The following PRIMPOL variants were observed in gnomAD, a reference collection of about 807,000 sequenced individuals.
The protein encoded by PRIMPOL is DNA-directed primase/polymerase protein.
A neutral mutation model predicts 63.6 loss-of-function variants in PRIMPOL; 54 were observed. The observed-to-expected ratio is 0.85, with a 90% CI of 0.68 to 1.07. The LOEUF (loss-of-function observed/expected upper bound fraction) is 1.07, where lower values mean the gene tolerates loss of function less well. Among genes scored for constraint, PRIMPOL ranks in the 50% least tolerant of loss-of-function variants. The pLI, the probability that PRIMPOL is intolerant of heterozygous loss-of-function variation, is 0.00. For synonymous variants in PRIMPOL, 197 were observed against 220.2 expected (o/e 0.89, Z 0.93); for missense variants, 610 against 648.3 (o/e 0.94, Z 0.64).
chr4:184,666,366 G>A (rs974923914), intron 6 of PRIMPOL, among the ~76,000 whole-genome samples: 13 of 152,184 alleles, frequency 8.5e-5, no homozygotes, highest in African/African-American at 3.1e-4. Context: ...GGGATGCTGA[G>A]GCACAAGGAT....
intron 13 of PRIMPOL, among the ~76,000 whole-genome samples, chr4:184,692,651 C>CTAT (rs1221185208): frequency 1.3e-5 from 2 of 151,702 alleles, no homozygotes; most frequent in Non-Finnish European, 2.9e-5. Flanking sequence ...AGCACACATA[C>CTAT]TATTTCAGTT....
chr4:184,671,982 C>T lies in PRIMPOL; in HGVS notation c.557-191C>T, dbSNP rs1881082. Among the ~76,000 whole-genome samples, 534 of 152,226 alleles carry T rather than the reference C, an allele frequency of 3.5e-3. 5 individuals are homozygous for T. The highest frequency in any genetic ancestry group is 0.012 in the African/African-American group (506 of 41,532). On this transcript the variant is annotated intron_variant, in intron 6 of 13. Coordinates refer to ENST00000314970, the MANE Select transcript of PRIMPOL (RefSeq NM_152683.4). ...GTCTCGATCTCCCGACCTTGTGATC[C>T]GCCCGCCTCGGCCTCCCAAAGTGCT...
intron 2 of PRIMPOL, among the ~76,000 whole-genome samples, chr4:184,656,160 G>A (rs2150031271): frequency 6.6e-6 from 1 of 152,224 alleles, no homozygotes; most frequent in Non-Finnish European, 1.5e-5. Context: ...CTAGAGTTAT[G>A]GCATGGCAAT....
At chr4:184,654,244 A>G (rs1393988673) in intron 2 of PRIMPOL, among the ~76,000 whole-genome samples, 1 of 152,238 alleles carries the variant, frequency 6.6e-6, no homozygotes, top group Non-Finnish European at 1.5e-5. Context: ...CTAGATTCAG[A>G]TGTGATTGCA....
intron 1 of PRIMPOL, among the ~76,000 whole-genome samples, chr4:184,651,715 C>G (rs1744555955): frequency 6.6e-6 from 1 of 152,120 alleles, no homozygotes; most frequent in African/African-American, 2.4e-5. Flanking sequence ...GTGGTGCAAT[C>G]TCGGCTCACT....
In PRIMPOL at chr4:184,693,531, CTT is replaced by C. The variant is rs146192092; in HGVS notation, c.1426-990_1426-989del. On this transcript the variant is annotated intron_variant, in intron 13 of 13. Transcript: ENST00000314970. ...TAACATTTTGCCTCTCCTGCTTCAT[CTT>C]GTTTTTTAAAACAAATATTTTAAAT... Among the ~76,000 whole-genome samples the C allele has an allele frequency of 7.2e-3, 1,100 of 152,242 alleles. 13 individuals carry two copies. The highest frequency in any genetic ancestry group is 0.025 in the African/African-American group (1,043 of 41,554).
chr4:184,659,510 T>C, intron 4 of PRIMPOL, 73 bp downstream of exon 4: 1 of 1,081,284 alleles, frequency 9.2e-7, no homozygotes, highest in Non-Finnish European at 1.4e-6. Flanking sequence ...TTGGTGAAAT[T>C]AGTTCAGGCT....
At chr4:184,666,183 T>C (rs1044912527) in intron 6 of PRIMPOL, 119 bp downstream of exon 6, 5 of 759,418 alleles carry the variant, frequency 6.6e-6, no homozygotes, top group Non-Finnish European at 9.9e-6. Context: ...TCCTAAAAAA[T>C]GCGATGTAGG....
At position 184,657,321 on chromosome 4, in the gene PRIMPOL, G is replaced by T. The variant is rs766854979; in HGVS notation, c.180+1G>T. 16 of 1,601,140 alleles carry T rather than the reference G, an allele frequency of 1.0e-5. No homozygotes were observed. Among genetic ancestry groups the T allele is most frequent in the Non-Finnish European group, 1.4e-5 (16 of 1,174,050 alleles). On this transcript the variant is annotated splice_donor_variant, in intron 3 of 13. Coordinates refer to ENST00000314970, the MANE Select transcript of PRIMPOL (RefSeq NM_152683.4). LOFTEE classifies it high-confidence loss of function. The stretch of plus-strand genomic sequence containing the variant: ...TAATTTTGTTAAAAGCTGTAAAGAA[G>T]TAATTTCCTCCTCCTCCTCTTCTTC...
chr4:184,686,367 C>T (rs1423949260), intron 11 of PRIMPOL, among the ~76,000 whole-genome samples: 1 of 152,024 alleles, frequency 6.6e-6, no homozygotes, highest in Non-Finnish European at 1.5e-5. Flanking sequence ...GTCGAAAGTG[C>T]GCAGGTTTGG....
At chr4:184,694,444 AG>A in intron 13 of PRIMPOL, 77 bp from the exon 14 acceptor site, 1 of 1,508,268 alleles carries the variant, frequency 6.6e-7, no homozygotes, top group South Asian at 1.3e-5. Context: ...ACTTCAACAT[AG>A]AGTATAAGGT....
At chr4:184,659,636 A>G (rs1747698287) in intron 4 of PRIMPOL, among the ~76,000 whole-genome samples, 199 bp downstream of exon 4, 1 of 152,220 alleles carries the variant, frequency 6.6e-6, no homozygotes, top group Non-Finnish European at 1.5e-5. Context: ...GAAAATAATC[A>G]TGCACATACA....
intron 2 of PRIMPOL, 24 bp downstream of exon 2, chr4:184,652,124 C>CCG (rs1560917056): frequency 6.6e-6 from 1 of 151,986 alleles, no homozygotes; most frequent in Non-Finnish European, 1.5e-5. Flanking sequence ...GTGCTGGGTG[C>CCG]GGGGGGAGGT....
chr4:184,659,549 C>A, intron 4 of PRIMPOL, 112 bp downstream of exon 4: 1 of 745,988 alleles, frequency 1.3e-6, no homozygotes, highest in Non-Finnish European at 2.4e-6. Flanking sequence ...CGTGACCACA[C>A]TATTAGTTGC....
chr4:184,669,052 G>T (rs2150079516), intron 6 of PRIMPOL, among the ~76,000 whole-genome samples: 1 of 152,262 alleles, frequency 6.6e-6, no homozygotes, highest in Admixed American at 6.5e-5. Flanking sequence ...ACACGATGTG[G>T]TCTGTTCACC....
chr4:184,668,197 C>G (rs1750604709), intron 6 of PRIMPOL, among the ~76,000 whole-genome samples: 1 of 152,248 alleles, frequency 6.6e-6, no homozygotes, highest in South Asian at 2.1e-4. Context: ...ACTCCCCACA[C>G]AGATGGTTCC....
chr4:184,665,358 G>A (rs569341016), intron 5 of PRIMPOL, among the ~76,000 whole-genome samples: 16 of 152,186 alleles, frequency 1.1e-4, no homozygotes, highest in Middle Eastern at 3.4e-3. Flanking sequence ...TCCAGCCCCC[G>A]TGCTTGCTGC....
At chr4:184,651,670 C>T (rs7699420) in intron 1 of PRIMPOL, among the ~76,000 whole-genome samples, 116,870 of 151,926 alleles carry the variant, frequency 0.77, 45,915 homozygotes, top group Non-Finnish European at 0.84. Context: ...TTTTTTGAGA[C>T]GGAGTTTCAC....
intron 6 of PRIMPOL, among the ~76,000 whole-genome samples, chr4:184,667,705 G>A (rs1031931649): frequency 3.3e-5 from 5 of 152,166 alleles, no homozygotes; most frequent in Non-Finnish European, 7.3e-5. Context: ...CTCCTAGCAC[G>A]CAAGTCCCTC....
Sources: gnomAD v4.1 joint callset for allele counts (sites outside exome capture counted in the v4.1 genomes callset) on GRCh38, gnomAD v4.1.1 for gene constraint, MANE v1.5 for transcripts, NCBI Gene and HGNC (gene_info 2026-07-23, HGNC 2026-07-21) for gene names.